Variants in PRIM2 observed in about 807,000 individuals in gnomAD.
The protein encoded by PRIM2 is DNA primase subunit 2.
A neutral mutation model predicts 67.3 loss-of-function variants in PRIM2; 39 were observed. The ratio of observed to expected loss-of-function variants is 0.58; its 90% confidence interval spans 0.45 to 0.76. PRIM2 has a LOEUF of 0.76. PRIM2 is among the 30% of genes least tolerant of loss of function. PRIM2 has a pLI of 0.00. For synonymous variants in PRIM2, 143 were observed against 198.7 expected, an observed-to-expected ratio of 0.72 and a Z score of 2.36; for missense variants, 398 against 598.7, an observed-to-expected ratio of 0.66 and a Z score of 3.50.
intron 7 of PRIM2, among the ~76,000 whole-genome samples, chr6:57,502,489 TG>T (rs1774154596): frequency 6.6e-6 from 1 of 152,240 alleles, no homozygotes; most frequent in South Asian, 2.1e-4. Flanking sequence ...CTTTGGATCA[TG>T]CTAATGCCGC....
At chr6:57,260,171 C>T in the PRIM2 span, among the ~76,000 whole-genome samples, 41 of 152,302 alleles carry the variant, frequency 2.7e-4, no homozygotes, top group African/African-American at 7.5e-4. Flanking sequence ...AAACCAATAA[C>T]GCAATCTACC....
intron 7 of PRIM2, among the ~76,000 whole-genome samples, chr6:57,452,530 G>A (rs890652793): frequency 6.6e-6 from 1 of 152,136 alleles, no homozygotes; most frequent in East Asian, 1.9e-4. Flanking sequence ...TTCTCTGATG[G>A]CCAGTGATGA....
At chr6:57,242,093 A>C in the PRIM2 span, among the ~76,000 whole-genome samples, 2 of 152,332 alleles carry the variant, frequency 1.3e-5, no homozygotes, top group African/African-American at 4.8e-5. Flanking sequence ...ATTAACAATA[A>C]TAAGTTGTTT....
chr6:57,530,952 C>T (rs1774876272), intron 8 of PRIM2, among the ~76,000 whole-genome samples: 1 of 152,184 alleles, frequency 6.6e-6, no homozygotes, highest in Non-Finnish European at 1.5e-5. Context: ...ATCTGCCTGC[C>T]TCAGCCTCCC....
chr6:57,301,920 G>A, the PRIM2 span, among the ~76,000 whole-genome samples: 235 of 152,354 alleles, frequency 1.5e-3, 1 homozygote, highest in Middle Eastern at 0.014. Context: ...AGTTCAGACT[G>A]AATGTGATGT....
chr6:57,335,582 G>A (rs1768209267), intron 5 of PRIM2, among the ~76,000 whole-genome samples: 1 of 152,166 alleles, frequency 6.6e-6, no homozygotes, highest in African/African-American at 2.4e-5. Flanking sequence ...TAACTGGGAG[G>A]CACCCCCCAG....
chr6:57,259,363 C>T, the PRIM2 span, among the ~76,000 whole-genome samples: 2 of 152,092 alleles, frequency 1.3e-5, no homozygotes, highest in Non-Finnish European at 2.9e-5. Context: ...AGTAGGTTGC[C>T]CTGGACATGT....
chr6:57,345,067 GA>G (rs5876534), intron 5 of PRIM2, among the ~76,000 whole-genome samples: 99,615 of 140,814 alleles, frequency 0.71, 36,162 homozygotes, highest in African/African-American at 0.83. Context: ...TTTTGCCCTT[GA>G]AAAAAAAAGT....
intron 7 of PRIM2, among the ~76,000 whole-genome samples, chr6:57,472,731 C>G (rs1773368350): frequency 6.6e-6 from 1 of 152,004 alleles, no homozygotes; most frequent in Non-Finnish European, 1.5e-5. Flanking sequence ...TATAATAGGC[C>G]ATTGTGAAAG....
upstream of PRIM2, among the ~76,000 whole-genome samples, chr6:57,309,973 T>C (rs1203112886): frequency 5.9e-5 from 9 of 152,062 alleles, no homozygotes; most frequent in African/African-American, 1.9e-4. Flanking sequence ...AGCTTCTGCA[T>C]AGCAAAAGAA....
intron 7 of PRIM2, among the ~76,000 whole-genome samples, chr6:57,466,451 G>A (rs149914731): frequency 2.2e-4 from 33 of 152,236 alleles, no homozygotes; most frequent in South Asian, 1.0e-3. Flanking sequence ...GTGTAAAAGC[G>A]TTCCTATTTC....
At chr6:57,626,279 A>G (rs1421288768) in intron 12 of PRIM2, among the ~76,000 whole-genome samples, 1,865 of 152,332 alleles carry the variant, frequency 0.012, 37 homozygotes, top group African/African-American at 0.043. Flanking sequence ...AGTATTAGCA[A>G]GAGGGAGGAA....
the PRIM2 span, among the ~76,000 whole-genome samples, chr6:57,274,687 G>T: frequency 6.6e-6 from 1 of 152,258 alleles, no homozygotes; most frequent in South Asian, 2.1e-4. Flanking sequence ...TGATACTTCA[G>T]TTGGAAATGC....
intron 10 of PRIM2, among the ~76,000 whole-genome samples, chr6:57,566,094 C>T (rs1183111350): frequency 2.0e-5 from 3 of 150,536 alleles, no homozygotes; most frequent in Non-Finnish European, 3.0e-5. Context: ...AAGAAATGAG[C>T]CAGTTCTATA....
chr6:57,353,086 G>A (rs1768907586), intron 5 of PRIM2, among the ~76,000 whole-genome samples: 1 of 142,564 alleles, frequency 7.0e-6, no homozygotes, highest in African/African-American at 2.7e-5. Flanking sequence ...AGCTGTAATT[G>A]CTTTAAATTA....
rs772204548 is a variant in PRIM2 at position 57,365,823 on chromosome 6, G to A, written c.460-14078G>A. 2.1e-4 allele frequency among the ~76,000 whole-genome samples: 32 copies of A among 152,116 alleles called. 1 individual carries two copies. The highest frequency in any genetic ancestry group is 2.0e-3 in the Admixed American group (30 of 15,278). On this transcript the variant is annotated intron_variant, in intron 5 of 13. Coordinates refer to ENST00000615550, the MANE Select transcript of PRIM2 (RefSeq NM_000947.5). ...GAAAATTAAAAATCAGCTGGGCATG[G>A]TGGCGCGTTAGCACGCCTGTAATCC...
chr6:57,618,689 C>G (rs1215538879), intron 12 of PRIM2, among the ~76,000 whole-genome samples: 3 of 152,130 alleles, frequency 2.0e-5, no homozygotes, highest in Non-Finnish European at 4.4e-5. Flanking sequence ...CATGACTCAG[C>G]AGAGGCAGCC....
intron 8 of PRIM2, among the ~76,000 whole-genome samples, chr6:57,520,680 C>G (rs1475700408): frequency 1.3e-5 from 2 of 152,008 alleles, no homozygotes; most frequent in Admixed American, 1.3e-4. Context: ...ACAAAAAATC[C>G]ACCCGTTTAA....
intron 7 of PRIM2, among the ~76,000 whole-genome samples, chr6:57,459,711 T>C (rs1383052746): frequency 2.0e-5 from 3 of 152,156 alleles, no homozygotes; most frequent in South Asian, 2.1e-4. Flanking sequence ...TGAGGCAGAA[T>C]TCCTTCTTCA....
Sources: allele counts gnomAD v4.1 joint callset (sites outside exome capture counted in the v4.1 genomes callset), GRCh38; gene constraint gnomAD v4.1.1; transcripts MANE v1.5; gene names NCBI Gene and HGNC (gene_info 2026-07-23, HGNC 2026-07-21).